IST1: variants seen among roughly 807,000 people sequenced by gnomAD.
IST1 encodes the protein IST1 factor associated with ESCRT-III, also known as IST1 homolog.
In IST1, 23 loss-of-function variants were observed where a neutral mutation model predicts 37.0. The ratio of observed to expected loss-of-function variants is 0.62; its 90% confidence interval spans 0.45 to 0.88. IST1 has a LOEUF of 0.88. Among genes scored for constraint, IST1 ranks in the 40% least tolerant of loss-of-function variants. The pLI is 0.00. For synonymous variants in IST1, 180 were observed against 161.7 expected (o/e 1.11, Z -0.86); for missense variants, 488 against 445.4 (o/e 1.10, Z -0.86).
chr16:71,923,940 C>T (rs1567474237), intron 8 of IST1, among the ~76,000 whole-genome samples: 1 of 152,014 alleles, frequency 6.6e-6, no homozygotes, highest in Non-Finnish European at 1.5e-5. Context: ...CTTGTTTCTT[C>T]AGTTACTGTA....
Position 71,930,646 on chromosome 16 carries a change from T to G in IST1, c.*2833T>G, listed in dbSNP as rs2037917018. The G allele has an allele frequency of 6.6e-6, 1 of 152,394 alleles. No homozygotes were observed. The highest frequency in any genetic ancestry group is 1.5e-5 in the Non-Finnish European group (1 of 68,204). The allele number at this position is 152,394 out of a possible 1,614,324, so 9.4% of individuals were successfully genotyped here. On this transcript the variant is annotated 3_prime_UTR_variant, in exon 10 of 10. Transcript: ENST00000378799. Reference sequence around the variant, plus strand: ...ACAGGTTGGCCACAGAAAACTGGCTTTTTAGTATTTTTTTTTTTCCATTGT... The same window carrying G: ...ACAGGTTGGCCACAGAAAACTGGCTGTTTAGTATTTTTTTTTTTCCATTGT...
In IST1 at chr16:71,921,354, G is replaced by A. The variant is rs369804855; in HGVS notation, c.453G>A (p.Lys151=). ...IGTVNDRLMH[K]LSVEAPPKIL... ...CTTTTTACTTACAGCTAATGCACAA[G>A]CTGAGTGTGGAAGCCCCACCCAAAA... Residue 151 remains lysine (K), a synonymous_variant, in exon 6 of 10, where the codon AAG becomes AAA. Transcript: ENST00000378799. 3.7e-6 allele frequency: 6 copies of A among 1,610,082 alleles called. No homozygotes were observed. Among genetic ancestry groups the A allele is most frequent in the Non-Finnish European group, 3.4e-6 (4 of 1,177,266 alleles).
At chr16:71,918,770 T>C (rs2037519009) in intron 4 of IST1, among the ~76,000 whole-genome samples, 1 of 152,164 alleles carries the variant, frequency 6.6e-6, no homozygotes, top group Admixed American at 6.5e-5. Context: ...GGCTTAAATA[T>C]GTTACAAAAC....
intron 9 of IST1, among the ~76,000 whole-genome samples, chr16:71,926,963 G>C (rs907194123): frequency 2.0e-5 from 3 of 152,068 alleles, no homozygotes; most frequent in Non-Finnish European, 4.4e-5. Flanking sequence ...CCTAAAGAAT[G>C]TTGGTTCTTA....
intron 1 of IST1, among the ~76,000 whole-genome samples, chr16:71,907,965 A>T (rs191036741): frequency 6.6e-6 from 1 of 151,912 alleles, no homozygotes; most frequent in Non-Finnish European, 1.5e-5. Context: ...TTTTTTTTTG[A>T]GACGGAGTCT....
Position 71,930,884 on chromosome 16 carries a change from G to C in IST1, c.*3071G>C, listed in dbSNP as rs1002778292. The C allele has an allele frequency of 1.3e-5, 2 of 152,096 alleles. No homozygotes were observed. Among genetic ancestry groups the C allele is most frequent in the African/African-American group, 4.8e-5 (2 of 41,408 alleles). The allele number at this position is 152,096 out of a possible 1,614,324, so 9.4% of individuals were successfully genotyped here. A position where few individuals can be genotyped will look rare whatever the true frequency, so the allele number is the denominator to read the frequency against. ...CTGTTTAAAAATATCCCAACAGAGG[G>C]GTTGATTACAGTCAATGCCACCCTG... On this transcript the variant is annotated 3_prime_UTR_variant, in exon 10 of 10. Transcript: ENST00000378799.
upstream of IST1, chr16:71,895,432 G>A (rs2036942579): frequency 2.5e-6 from 2 of 803,362 alleles, no homozygotes; most frequent in Admixed American, 6.2e-5. Context: ...TCCCGGCAGC[G>A]GCGATCGCGC....
Position 71,895,598 on chromosome 16 carries a change from G to A in IST1, c.-16+9G>A. On this transcript the variant is annotated intron_variant, in intron 1 of 9. Coordinates refer to ENST00000378799, the MANE Select transcript of IST1 (RefSeq NM_001270975.2). ...CGGCAGGATTCGGTTAGGTGAGTGT[G>A]GCATCCTCGGCGTCAGAGGTCTCTG... 2 of 973,442 alleles carry A rather than the reference G, an allele frequency of 2.1e-6. No individual in the cohort carries two copies. Among genetic ancestry groups the A allele is most frequent in the South Asian group, 4.7e-5 (1 of 21,074 alleles). The allele number at this position is 973,442 out of a possible 1,614,324, so 60.3% of individuals were successfully genotyped here.
chr16:71,900,558 A>G (rs972339886), intron 1 of IST1, among the ~76,000 whole-genome samples: 3 of 152,158 alleles, frequency 2.0e-5, no homozygotes, highest in East Asian at 1.9e-4. Context: ...TAAAAGAGGA[A>G]CTAGATGGGT....
At chr16:71,904,905 G>T (rs979327413) in intron 1 of IST1, among the ~76,000 whole-genome samples, 1 of 151,792 alleles carries the variant, frequency 6.6e-6, no homozygotes, top group Non-Finnish European at 1.5e-5. Context: ...GAATGTTTGA[G>T]TTTAGGTCTA....
intron 8 of IST1, 127 bp downstream of exon 8, chr16:71,923,507 A>C: frequency 1.8e-6 from 1 of 560,890 alleles, no homozygotes; most frequent in South Asian, 2.5e-5. Context: ...TTGCTTTGGG[A>C]TTCTTGTGTT....
At chr16:71,896,634 A>G (rs2036978469) in intron 1 of IST1, among the ~76,000 whole-genome samples, 2 of 152,034 alleles carry the variant, frequency 1.3e-5, no homozygotes, top group South Asian at 4.2e-4. Flanking sequence ...AGTTTGTGGG[A>G]AATTTGCTTC....
At chr16:71,918,394 G>A (rs2037510672) in intron 4 of IST1, among the ~76,000 whole-genome samples, 1 of 148,798 alleles carries the variant, frequency 6.7e-6, no homozygotes, top group South Asian at 2.2e-4. Flanking sequence ...AGGGACAGTA[G>A]AGGCAACTGA....
In IST1 at chr16:71,930,280, A is replaced by G; in HGVS notation, c.*2467A>G. On this transcript the variant is annotated 3_prime_UTR_variant, in exon 10 of 10. Transcript: ENST00000378799. ...TAGTGTTTGGGATCTTATCAGAAGA[A>G]AAGCTTATCCGAAGGAAACTTAGGG... 7.8e-7 allele frequency: 1 copy of G among 1,281,394 alleles called. No individual in the cohort carries two copies. The highest frequency in any genetic ancestry group is 2.3e-5 in the South Asian group (1 of 44,396). 79.4% of individuals were successfully genotyped at this position (1,281,394 alleles called of 1,614,324 possible).
In IST1 at chr16:71,930,218, C is replaced by T. The variant is rs1476455744; in HGVS notation, c.*2405C>T. The T allele has an allele frequency of 6.6e-7, 1 of 1,516,090 alleles. No individual in the cohort carries two copies. The highest frequency in any genetic ancestry group is 2.3e-5 in the Admixed American group (1 of 43,258). 93.9% of individuals were successfully genotyped at this position (1,516,090 alleles called of 1,614,324 possible). A position where few individuals can be genotyped will look rare whatever the true frequency, so the allele number is the denominator to read the frequency against. On this transcript the variant is annotated 3_prime_UTR_variant, in exon 10 of 10. Coordinates refer to ENST00000378799, the MANE Select transcript of IST1 (RefSeq NM_001270975.2). ...CAATAAGAACACTTGCAGTGACTGA[C>T]AATTTAGTTTATACTTTACAAACAT...
At chr16:71,902,363 G>C (rs1243886788) in intron 1 of IST1, among the ~76,000 whole-genome samples, 2 of 151,524 alleles carry the variant, frequency 1.3e-5, no homozygotes, top group Non-Finnish European at 2.9e-5. Context: ...TCCACCTCCT[G>C]GGTTCAAGCA....
In IST1 at chr16:71,917,100, C is replaced by T; in HGVS notation, c.323C>T (p.Pro108Leu). Reference protein sequence around the residue: ...ESVSTLIWAAPRLQSEVAELK... With the variant: ...ESVSTLIWAALRLQSEVAELK... The stretch of plus-strand genomic sequence containing the variant: ...GTGTCTACATTGATCTGGGCTGCTC[C>T]TCGACTCCAGTCAGAAGTGGCTGAG... The change falls in exon 4 of 10, where the codon CCT becomes CTT. Residue 108 changes from proline to leucine, a missense_variant. Pro to Leu is a moderately conservative substitution (Grantham distance 98). Around this residue, in one of 2 missense-constraint regions of IST1, gnomAD observed 455 missense variants for 386.2 expected, o/e 1.18. Coordinates refer to ENST00000378799, the MANE Select transcript of IST1 (RefSeq NM_001270975.2). 6.2e-7 allele frequency: 1 copy of T among 1,612,546 alleles called. No individual in the cohort carries two copies. Among genetic ancestry groups the T allele is most frequent in the Non-Finnish European group, 8.5e-7 (1 of 1,179,112 alleles).
intron 1 of IST1, among the ~76,000 whole-genome samples, chr16:71,906,369 C>T (rs1159469889): frequency 6.7e-6 from 1 of 150,092 alleles, no homozygotes. Flanking sequence ...ATGCAGTGGT[C>T]CGATCTCAGC....
In IST1 at chr16:71,911,264, C is replaced by T. The variant is rs181465157; in HGVS notation, c.-15-4362C>T. Among the ~76,000 whole-genome samples, 54 of 151,924 alleles carry T rather than the reference C, an allele frequency of 3.6e-4. 1 individual carries two copies. The highest frequency in any genetic ancestry group is 1.2e-3 in the African/African-American group (48 of 41,436). On this transcript the variant is annotated intron_variant, in intron 1 of 9. Transcript: ENST00000378799. The stretch of plus-strand genomic sequence containing the variant: ...CAAAAACAAAACAATAAAAGTAACA[C>T]ATCTTGGAGCTCCTCCCTTTCATTT...
Sources: allele counts gnomAD v4.1 joint callset (sites outside exome capture counted in the v4.1 genomes callset), GRCh38; gene constraint gnomAD v4.1.1; regional missense constraint gnomAD v4.1.1; transcripts MANE v1.5; gene names NCBI Gene and HGNC (gene_info 2026-07-23, HGNC 2026-07-21).